CSMD2: variants seen among roughly 807,000 people sequenced by gnomAD.
CSMD2 encodes the protein CUB and Sushi multiple domains 2, also known as CUB and sushi domain-containing protein 2.
Under a neutral mutation model 398.5 loss-of-function variants are expected in CSMD2, and 130 were observed. The ratio of observed to expected loss-of-function variants is 0.33; its 90% CI spans 0.28 to 0.38. The LOEUF (loss-of-function observed/expected upper bound fraction) is 0.38, where lower values mean the gene tolerates loss of function less well. Among genes scored for constraint, CSMD2 ranks in the 10% least tolerant of loss-of-function variants. The probability of loss-of-function intolerance (pLI) is 1.00; values close to 1 mark genes in which losing one functional copy is unlikely to be tolerated. For missense variants in CSMD2, 3,829 were observed against 4,764.9 expected (o/e 0.80, Z 5.78); for synonymous variants, 1,828 against 1,908.5 (o/e 0.96, Z 1.10).
chr1:33,780,878 C>A (rs1652668317), intron 12 of CSMD2, among the ~76,000 whole-genome samples: 1 of 152,198 alleles, frequency 6.6e-6, no homozygotes, highest in Admixed American at 6.5e-5. Flanking sequence ...TTGGGCCTTC[C>A]AGTTTATGGG....
chr1:33,945,270 A>C (rs1395513856), intron 3 of CSMD2, among the ~76,000 whole-genome samples: 2 of 152,180 alleles, frequency 1.3e-5, no homozygotes, highest in African/African-American at 2.4e-5. Flanking sequence ...CAGTATAAGG[A>C]TATCCCTTGG....
At chr1:33,573,989 CA>C (rs1659836697) in intron 49 of CSMD2, among the ~76,000 whole-genome samples, 2 of 152,186 alleles carry the variant, frequency 1.3e-5, no homozygotes, top group East Asian at 3.9e-4. Context: ...AGTGAGTGTT[CA>C]AAGATAATGG....
At chr1:33,697,992 G>C (rs963438279) in intron 24 of CSMD2, among the ~76,000 whole-genome samples, 3 of 152,244 alleles carry the variant, frequency 2.0e-5, no homozygotes, top group Admixed American at 6.5e-5. Flanking sequence ...CATGGGGAAG[G>C]GGGTGGAGAG....
At chr1:33,671,593 C>T (rs1056011541) in intron 25 of CSMD2, among the ~76,000 whole-genome samples, 1 of 152,128 alleles carries the variant, frequency 6.6e-6, no homozygotes, top group Non-Finnish European at 1.5e-5. Flanking sequence ...CACCCACGCC[C>T]CCACCAACCA....
chr1:34,105,132 AT>A (rs886603948), intron 1 of CSMD2, among the ~76,000 whole-genome samples: 6 of 151,462 alleles, frequency 4.0e-5, no homozygotes, highest in African/African-American at 2.4e-5. Context: ...GATGTGCACT[AT>A]TTTTTTTTAC....
At chr1:33,557,301 T>C (rs1227032138) in intron 55 of CSMD2, among the ~76,000 whole-genome samples, 1 of 152,194 alleles carries the variant, frequency 6.6e-6, no homozygotes, top group Non-Finnish European at 1.5e-5. Context: ...CCAGTCCAAG[T>C]TGGTCTGCCT....
chr1:34,103,532 C>T (rs6697140), intron 1 of CSMD2, among the ~76,000 whole-genome samples: 39,066 of 151,732 alleles, frequency 0.26, 7,480 homozygotes, highest in African/African-American at 0.54. Flanking sequence ...TCTGACCTTG[C>T]GATTCGCCCA....
At chr1:33,936,219 AT>A (rs2125328715) in intron 3 of CSMD2, among the ~76,000 whole-genome samples, 1 of 152,362 alleles carries the variant, frequency 6.6e-6, no homozygotes, top group African/African-American at 2.4e-5. Flanking sequence ...GCCTTTTCTA[AT>A]GCGCAGCCAT....
At chr1:33,992,597 G>T (rs1300907909) in intron 3 of CSMD2, among the ~76,000 whole-genome samples, 1 of 151,644 alleles carries the variant, frequency 6.6e-6, no homozygotes, top group Non-Finnish European at 1.5e-5. Flanking sequence ...GGCCGGGTGT[G>T]GTGGCTCACG....
At chr1:33,913,768 C>T (rs1044882741) in intron 5 of CSMD2, among the ~76,000 whole-genome samples, 1 of 152,076 alleles carries the variant, frequency 6.6e-6, no homozygotes, top group African/African-American at 2.4e-5. Context: ...AACTTCCTCT[C>T]CTATATTCTA....
chr1:33,820,666 C>G, intron 7 of CSMD2, 110 bp from the exon 8 acceptor site: 3 of 725,958 alleles, frequency 4.1e-6, no homozygotes, highest in South Asian at 3.4e-5. Flanking sequence ...GAGGCAGAGA[C>G]AGAATGAGGC....
intron 7 of CSMD2, among the ~76,000 whole-genome samples, chr1:33,821,980 G>A (rs987388409): frequency 6.6e-6 from 1 of 152,186 alleles, no homozygotes; most frequent in Non-Finnish European, 1.5e-5. Context: ...GAGGGAAGGT[G>A]AAGAGTGACA....
chr1:33,930,186 A>G (rs1455201943), intron 4 of CSMD2, among the ~76,000 whole-genome samples: 1 of 152,230 alleles, frequency 6.6e-6, no homozygotes, highest in South Asian at 2.1e-4. Context: ...CATAACAGGC[A>G]CTCAAGAGAA....
At chr1:33,912,359 A>G (rs1300889221) in intron 5 of CSMD2, among the ~76,000 whole-genome samples, 1 of 152,150 alleles carries the variant, frequency 6.6e-6, no homozygotes, top group Non-Finnish European at 1.5e-5. Context: ...TCCAGGATCT[A>G]CACAGAAATC....
chr1:33,887,090 T>A (rs1346354366), intron 5 of CSMD2, among the ~76,000 whole-genome samples: 2 of 152,136 alleles, frequency 1.3e-5, no homozygotes, highest in Non-Finnish European at 2.9e-5. Flanking sequence ...TATTTTATAA[T>A]CCTTAATTTT....
chr1:33,764,821 T>C (rs1650280533), intron 13 of CSMD2, among the ~76,000 whole-genome samples: 1 of 152,150 alleles, frequency 6.6e-6, no homozygotes, highest in African/African-American at 2.4e-5. Context: ...CCAAGGGAAA[T>C]GATGTTTGAA....
rs1658109196 is a variant in CSMD2 at position 33,557,470 on chromosome 1, TAG to T, written c.8743+262_8743+263del. Among the ~76,000 whole-genome samples the T allele has an allele frequency of 2.6e-5, 4 of 152,146 alleles. No individual in the cohort carries two copies. In the South Asian group the frequency reaches 6.2e-4, roughly 24 times the overall value. ...TCTGTAAGCTGAAGAGGGTGGTAACTAGAGAGGAAAGGGACCAGGCCTCTAGC... is the reference window on the plus strand; with the variant it reads ...TCTGTAAGCTGAAGAGGGTGGTAACTAGAGGAAAGGGACCAGGCCTCTAGC... On this transcript the variant is annotated intron_variant, in intron 55 of 70. Coordinates refer to ENST00000373381, the MANE Select transcript of CSMD2 (RefSeq NM_001281956.2).
Position 33,624,219 on chromosome 1 carries a change from C to T in CSMD2, c.5625+300G>A, listed in dbSNP as rs1313616824. 6.6e-6 allele frequency among the ~76,000 whole-genome samples: 1 copy of T among 152,180 alleles called. No individual in the cohort carries two copies. The highest frequency in any genetic ancestry group is 1.9e-4 in the East Asian group (1 of 5,196). ...CAGGCCCATTTCTTCTTTTAGCCTC[C>T]CCTCCTGGCCATGGCCAATCAATGC... On this transcript the variant is annotated intron_variant, in intron 35 of 70. Coordinates refer to ENST00000373381, the MANE Select transcript of CSMD2 (RefSeq NM_001281956.2). This position sits in a 1 kb window ranked among gnomAD's most constrained non-coding sequence, Gnocchi z 4.7.
intron 55 of CSMD2, among the ~76,000 whole-genome samples, chr1:33,556,612 A>G (rs1255260662): frequency 4.6e-5 from 7 of 152,040 alleles, no homozygotes; most frequent in African/African-American, 1.7e-4. Context: ...TCTCTTAAGG[A>G]CGTGTAAGGC....
Sources: gnomAD v4.1 joint callset for allele counts (sites outside exome capture counted in the v4.1 genomes callset) on GRCh38, gnomAD v4.1.1 for gene constraint, Gnocchi (gnomAD v3.1) non-coding constraint, MANE v1.5 for transcripts, NCBI Gene and HGNC (gene_info 2026-07-23, HGNC 2026-07-21) for gene names.